KCNT1: variants seen among roughly 807,000 people sequenced by gnomAD.
KCNT1 encodes the protein potassium sodium-activated channel subfamily T member 1.
In KCNT1, 78 loss-of-function variants were observed where a neutral mutation model predicts 147.8. The observed-to-expected ratio is 0.53, with a 90% CI of 0.44 to 0.64. The LOEUF is 0.64. Among genes scored for constraint, KCNT1 ranks in the 30% least tolerant of loss-of-function variants. The pLI, the probability that KCNT1 is intolerant of heterozygous loss-of-function variation, is 0.00. For synonymous variants in KCNT1, 867 were observed against 748.8 expected, an observed-to-expected ratio of 1.16 and a Z score of -2.58; for missense variants, 1,419 against 1,750.3, an observed-to-expected ratio of 0.81 and a Z score of 3.38.
intron 2 of KCNT1, among the ~76,000 whole-genome samples, chr9:135,744,245 G>A (rs1011169808): frequency 9.2e-5 from 14 of 152,372 alleles, no homozygotes; most frequent in African/African-American, 2.2e-4. Flanking sequence ...CTGGCCTGCC[G>A]GTCAGCAGGG....
intron 6 of KCNT1, among the ~76,000 whole-genome samples, chr9:135,756,540 T>C (rs1831490271): frequency 6.6e-6 from 1 of 152,128 alleles, no homozygotes; most frequent in African/African-American, 2.4e-5. Context: ...TGAGCCTCCA[T>C]CTCCGTTCCC....
rs765278495 is a variant in KCNT1 at position 135,775,361 on chromosome 9, C to A, written c.2295C>A (p.Thr765=). 2 of 1,611,048 alleles carry A rather than the reference C, an allele frequency of 1.2e-6. No homozygotes were observed. The highest frequency in any genetic ancestry group is 1.7e-5 in the Admixed American group (1 of 59,588). The part of the protein sequence containing the change: ...PNSPYIGSSP[T]LCHLLPVKAP... ...CGCCCTACATCGGCAGCTCCCCAAC[C>A]CTGTGCCACCTCCTGCCTGTGAAAG... The change falls in exon 20 of 31, where the codon ACC becomes ACA. Residue 765 remains threonine, a synonymous_variant. Coordinates refer to ENST00000371757, the MANE Select transcript of KCNT1 (RefSeq NM_020822.3).
At chr9:135,768,800 C>T in intron 14 of KCNT1, 29 bp from the exon 15 acceptor site, 7 of 1,595,486 alleles carry the variant, frequency 4.4e-6, no homozygotes, top group Non-Finnish European at 6.0e-6. Context: ...GCCAGCCCGT[C>T]TGCACTGACC....
At chr9:135,736,736 C>T in intron 2 of KCNT1, 1 of 375,940 alleles carries the variant, frequency 2.7e-6, no homozygotes, top group Non-Finnish European at 4.7e-6. Context: ...GGGCTCAGCC[C>T]GCTGCTGCCG....
Position 135,714,713 on chromosome 9 carries a change from G to C in KCNT1, c.247G>C (p.Asp83His), listed in dbSNP as rs774085172. The C allele has an allele frequency of 4.2e-6, 6 of 1,432,670 alleles. No individual in the cohort carries two copies. Among genetic ancestry groups the C allele is most frequent in the Non-Finnish European group, 5.6e-6 (6 of 1,079,308 alleles). The allele number at this position is 1,432,670 out of a possible 1,614,324, so 88.7% of individuals were successfully genotyped here. Residue 83 changes from aspartate to histidine, a missense_variant, in exon 2 of 31, where the codon GAC becomes CAC. Physicochemically the swap from Asp to His is moderately conservative, Grantham distance 81. Transcript: ENST00000371757. This position sits in a 1 kb window ranked among gnomAD's most constrained non-coding sequence, Gnocchi z 6.2. ...GCTGGGCGACCCGTCCTTCCAGAAC[G>C]ACGACAGGTAGGGACCGGGCGCGGG... The part of the protein sequence containing the change: ...LLLGDPSFQN[D>H]DRVQVEFYVN...
chr9:135,709,726 G>T (rs1835411977), intron 1 of KCNT1, among the ~76,000 whole-genome samples: 1 of 152,156 alleles, frequency 6.6e-6, no homozygotes, highest in African/African-American at 2.4e-5. Flanking sequence ...TGTCACCCAG[G>T]CTGGAGTGCA....
chr9:135,708,831 C>T (rs1038375137), intron 1 of KCNT1, among the ~76,000 whole-genome samples: 2 of 152,226 alleles, frequency 1.3e-5, no homozygotes, highest in South Asian at 4.1e-4. Flanking sequence ...AGGCGTGAGG[C>T]ACCATGCTGG....
chr9:135,726,827 C>G (rs1836172397), intron 2 of KCNT1, among the ~76,000 whole-genome samples: 1 of 145,048 alleles, frequency 6.9e-6, no homozygotes, highest in Non-Finnish European at 1.5e-5. Flanking sequence ...TTCCCATTCT[C>G]TCACTCTCTC....
Position 135,784,775 on chromosome 9 carries a change from G to C in KCNT1, c.3042G>C (p.Glu1014Asp). The change falls in exon 27 of 31, where the codon GAG becomes GAC. Residue 1014 changes from glutamate to aspartate, a missense_variant. Around this residue, in one of 5 missense-constraint regions of KCNT1, gnomAD observed 247 missense variants for 397.1 expected, o/e 0.62. Transcript: ENST00000371757. ...CCACCCTGCAGATGAAAATCACCGAGGGCGACCTGTGGATCCGCACGTACG... is the reference window on the plus strand; with the variant it reads ...CCACCCTGCAGATGAAAATCACCGACGGCGACCTGTGGATCCGCACGTACG... ...SGYLCAMKIT[E>D]GDLWIRTYGR... is the part of the protein sequence containing the mutation. 6.2e-7 allele frequency: 1 copy of C among 1,612,640 alleles called. No individual in the cohort carries two copies. The highest frequency in any genetic ancestry group is 8.5e-7 in the Non-Finnish European group (1 of 1,179,890).
chr9:135,739,490 A>G (rs1440407326), intron 2 of KCNT1, among the ~76,000 whole-genome samples: 1 of 150,634 alleles, frequency 6.6e-6, no homozygotes, highest in East Asian at 2.0e-4. Flanking sequence ...GCAGATCCAG[A>G]CCTTCATGGT....
chr9:135,779,399 C>T lies in KCNT1; in HGVS notation c.2770C>T (p.Pro924Ser). ...CAGCATCACCACGGAGCTCACCCAC[C>T]CTTCCAACATGCGCTTCATGCAGTT... is the stretch of plus-strand genomic sequence containing the variant. ...SLSITTELTH[P>S]SNMRFMQFRA... The change falls in exon 24 of 31, where the codon CCT (proline) becomes TCT (serine). Residue 924 changes from proline to serine, a missense_variant. Transcript: ENST00000371757. The T allele has an allele frequency of 6.2e-7, 1 of 1,613,992 alleles. No individual in the cohort carries two copies. Among genetic ancestry groups the T allele is most frequent in the Non-Finnish European group, 8.5e-7 (1 of 1,179,978 alleles).
rs1008561027 is a variant in KCNT1 at position 135,770,583 on chromosome 9, C to T, written c.1769+136C>T. On this transcript the variant is annotated intron_variant, in intron 17 of 30. Transcript: ENST00000371757. ...GCTCGGGGGAGGGCATCAGGTCATC[C>T]TGCCTGGCGAGGGCAGCCGCAGGAC... The T allele has an allele frequency of 2.5e-5, 30 of 1,190,250 alleles. No homozygotes were observed. The East Asian group carries it at 7.3e-4, about 29-fold the overall frequency. 73.7% of individuals were successfully genotyped at this position (1,190,250 alleles called of 1,614,324 possible).
chr9:135,762,083 C>A (rs1831952233), intron 11 of KCNT1, among the ~76,000 whole-genome samples: 1 of 152,248 alleles, frequency 6.6e-6, no homozygotes, highest in Admixed American at 6.5e-5. Flanking sequence ...AGCCTCCGGG[C>A]CGGGGCTGCC....
chr9:135,730,990 TAAAAA>T lies in KCNT1; in HGVS notation c.254+16289_254+16293del, dbSNP rs56307359. Among the ~76,000 whole-genome samples the T allele has an allele frequency of 1.6e-4, 14 of 85,596 alleles. No individual in the cohort carries two copies. Among genetic ancestry groups the T allele is most frequent in the African/African-American group, 4.5e-4 (10 of 22,080 alleles). The allele number at this position is 85,596 out of a possible 152,430, so 56.2% of individuals were successfully genotyped here. A position where few individuals can be genotyped will look rare whatever the true frequency, so the allele number is the denominator to read the frequency against. ...AACAAAGTGAGATCCCGTCTCAAGG[TAAAAA>T]AAAAAAAAAAAAAAAAAAGTGTGGT... On this transcript the variant is annotated intron_variant, in intron 2 of 30. Coordinates refer to ENST00000371757, the MANE Select transcript of KCNT1 (RefSeq NM_020822.3). This position sits in a 1 kb window ranked among gnomAD's most constrained non-coding sequence, Gnocchi z 4.7.
intron 1 of KCNT1, among the ~76,000 whole-genome samples, chr9:135,712,474 G>A (rs748669696): frequency 3.9e-5 from 6 of 152,048 alleles, no homozygotes; most frequent in Non-Finnish European, 8.8e-5. Context: ...CAGGGTCCCC[G>A]TGTCTGGCTA....
At chr9:135,715,108 C>T (rs1363022299) in intron 2 of KCNT1, among the ~76,000 whole-genome samples, 2 of 152,188 alleles carry the variant, frequency 1.3e-5, no homozygotes, top group Non-Finnish European at 2.9e-5. Context: ...TGAGGGCTGG[C>T]GTCCTCCAGG....
At chr9:135,735,756 C>T (rs1266232551) in intron 2 of KCNT1, among the ~76,000 whole-genome samples, 5 of 152,130 alleles carry the variant, frequency 3.3e-5, no homozygotes, top group African/African-American at 7.2e-5. Context: ...GGGGTCAGAG[C>T]GTGGACAAGT....
intron 7 of KCNT1, 75 bp downstream of exon 7, chr9:135,757,007 C>CATCTCT: frequency 8.5e-7 from 1 of 1,169,714 alleles, no homozygotes; most frequent in Non-Finnish European, 1.2e-6. Context: ...CCCCACCTCC[C>CATCTCT]CCACCCTCTC....
At chr9:135,707,541 C>T (rs1405031341) in intron 1 of KCNT1, among the ~76,000 whole-genome samples, 2 of 152,128 alleles carry the variant, frequency 1.3e-5, no homozygotes, top group Non-Finnish European at 2.9e-5. Flanking sequence ...AGGGTGTGGC[C>T]TGTGAGAAGG....
Sources: gnomAD v4.1 joint callset for allele counts (sites outside exome capture counted in the v4.1 genomes callset) on GRCh38, gnomAD v4.1.1 for gene constraint, gnomAD v4.1.1 regional missense constraint, Gnocchi (gnomAD v3.1) non-coding constraint, MANE v1.5 for transcripts, NCBI Gene and HGNC (gene_info 2026-07-23, HGNC 2026-07-21) for gene names.